The following SLC8A1 variants were observed in gnomAD, a reference collection of about 807,000 sequenced individuals.
SLC8A1 encodes the protein solute carrier family 8 member A1.
In SLC8A1, 18 loss-of-function variants were observed where a neutral mutation model predicts 68.3. The ratio of observed to expected loss-of-function variants is 0.26; its 90% confidence interval spans 0.18 to 0.39. The LOEUF is 0.39. SLC8A1 is among the 10% of genes least tolerant of loss of function. The pLI, the probability that SLC8A1 is intolerant of heterozygous loss-of-function variation, is 1.00. For missense variants in SLC8A1, 985 were observed against 1,156.7 expected (o/e 0.85, Z 2.15); for synonymous variants, 475 against 415.5 (o/e 1.14, Z -1.74).
At chr2:40,129,333 T>C (rs1402095062) in intron 7 of SLC8A1, among the ~76,000 whole-genome samples, 2 of 151,684 alleles carry the variant, frequency 1.3e-5, no homozygotes, top group Non-Finnish European at 2.9e-5. Context: ...TGGGCTCAAG[T>C]GATCCTCCCA....
At chr2:40,344,827 G>A (rs1257749464) in intron 2 of SLC8A1, among the ~76,000 whole-genome samples, 1 of 152,058 alleles carries the variant, frequency 6.6e-6, no homozygotes, top group East Asian at 1.9e-4. Flanking sequence ...AAGAATTCAT[G>A]GACCTGATAC....
At chr2:40,175,921 A>G (rs1036323693) in intron 3 of SLC8A1, 5 of 405,752 alleles carry the variant, frequency 1.2e-5, no homozygotes, top group Admixed American at 5.9e-5. Context: ...TAATAGTCCC[A>G]GGAATTAACA....
chr2:40,105,838 T>C (rs532036464), exon 8 of SLC8A1: 2 of 152,336 alleles, frequency 1.3e-5, no homozygotes, highest in Admixed American at 1.3e-4. Flanking sequence ...AGTCCTAGGA[T>C]TGGTCCCACC....
chr2:40,321,975 C>T (rs1047530792), intron 2 of SLC8A1, among the ~76,000 whole-genome samples: 1 of 152,142 alleles, frequency 6.6e-6, no homozygotes, highest in Non-Finnish European at 1.5e-5. Context: ...CATTAGTCAA[C>T]TTAGGGTATG....
Position 40,175,044 on chromosome 2 carries a change from T to G in SLC8A1, c.1913-202A>C, listed in dbSNP as rs558635811. ...ATTTAATGCACAAATTTAATTCTTG[T>G]GCATACCTAAGAAATCACCGATTTT... is the stretch of plus-strand genomic sequence containing the variant. On this transcript the variant is annotated intron_variant, in intron 3 of 7. Transcript: ENST00000406785. 3.3e-5 allele frequency among the ~76,000 whole-genome samples: 5 copies of G among 152,238 alleles called. No individual in the cohort carries two copies. In the East Asian group the frequency reaches 9.6e-4, roughly 29 times the overall value.
chr2:40,136,205 G>A (rs538195284), intron 7 of SLC8A1, among the ~76,000 whole-genome samples: 2 of 152,206 alleles, frequency 1.3e-5, no homozygotes, highest in African/African-American at 4.8e-5. Context: ...GGGAAGAGGA[G>A]GCCCTTTCTC....
At chr2:40,448,898 A>G (rs1701926213) in intron 1 of SLC8A1, among the ~76,000 whole-genome samples, 1 of 152,234 alleles carries the variant, frequency 6.6e-6, no homozygotes, top group Non-Finnish European at 1.5e-5. Context: ...CTAAATTCTT[A>G]GCAAATATAA....
intron 1 of SLC8A1, among the ~76,000 whole-genome samples, chr2:40,507,349 T>G (rs918019865): frequency 1.3e-5 from 2 of 151,968 alleles, no homozygotes; most frequent in African/African-American, 4.8e-5. Context: ...AAATAATAAT[T>G]TAACTCTGAC....
chr2:40,172,967 A>G (rs1250821792), intron 4 of SLC8A1, among the ~76,000 whole-genome samples: 2 of 152,164 alleles, frequency 1.3e-5, no homozygotes, highest in Admixed American at 6.5e-5. Flanking sequence ...ACATTCAGTA[A>G]TAAAACAGAA....
chr2:40,162,497 AG>A (rs1428180311), intron 5 of SLC8A1, among the ~76,000 whole-genome samples: 3 of 152,248 alleles, frequency 2.0e-5, no homozygotes, highest in African/African-American at 7.2e-5. Context: ...ACTTTCCTCA[AG>A]AAATAGCTGC....
At chr2:40,154,150 A>G (rs888980363) in intron 6 of SLC8A1, among the ~76,000 whole-genome samples, 2 of 152,176 alleles carry the variant, frequency 1.3e-5, no homozygotes, top group African/African-American at 4.8e-5. Context: ...CTCAGGATCC[A>G]TAGTTGTTAA....
intron 2 of SLC8A1, among the ~76,000 whole-genome samples, chr2:40,427,376 C>A (rs35129449): frequency 0.32 from 49,062 of 151,896 alleles, 8,766 homozygotes; most frequent in East Asian, 0.65. Flanking sequence ...TAACTATTTT[C>A]GAACTGTATT....
intron 2 of SLC8A1, among the ~76,000 whole-genome samples, chr2:40,420,958 G>C (rs949545806): frequency 2.0e-5 from 3 of 152,152 alleles, no homozygotes; most frequent in Non-Finnish European, 2.9e-5. Flanking sequence ...TCTGTAAAAT[G>C]AGTCTAATAA....
chr2:40,328,905 G>T (rs1295442211), intron 2 of SLC8A1, among the ~76,000 whole-genome samples: 1 of 152,030 alleles, frequency 6.6e-6, no homozygotes, highest in African/African-American at 2.4e-5. Flanking sequence ...CCTTTTAAGA[G>T]CACAGAGTAG....
intron 2 of SLC8A1, among the ~76,000 whole-genome samples, chr2:40,235,065 T>C (rs1367956532): frequency 6.6e-6 from 1 of 152,094 alleles, no homozygotes; most frequent in African/African-American, 2.4e-5. Context: ...ATTCTCTTTT[T>C]TGGTTGTGTC....
intron 2 of SLC8A1, among the ~76,000 whole-genome samples, chr2:40,200,492 A>C (rs1173113116): frequency 6.6e-6 from 1 of 150,622 alleles, no homozygotes; most frequent in African/African-American, 2.4e-5. Flanking sequence ...AAAAATTCCA[A>C]ATCAAGGGCC....
At chr2:40,322,987 T>G (rs1230338506) in intron 2 of SLC8A1, among the ~76,000 whole-genome samples, 1 of 152,116 alleles carries the variant, frequency 6.6e-6, no homozygotes, top group Non-Finnish European at 1.5e-5. Context: ...TCCATTTCAT[T>G]TTTGCTAAAA....
chr2:40,165,453 C>T (rs1435638505), intron 4 of SLC8A1, among the ~76,000 whole-genome samples: 1 of 152,150 alleles, frequency 6.6e-6, no homozygotes, highest in Non-Finnish European at 1.5e-5. Context: ...ACAGAAAATG[C>T]CTGAGGCCCA....
At chr2:40,228,328 C>T (rs1307376081) in intron 2 of SLC8A1, among the ~76,000 whole-genome samples, 1 of 152,188 alleles carries the variant, frequency 6.6e-6, no homozygotes, top group African/African-American at 2.4e-5. Flanking sequence ...TGTAAGAATT[C>T]TTATACTTAA....
Sources: gnomAD v4.1 joint callset for allele counts (sites outside exome capture counted in the v4.1 genomes callset) on GRCh38, gnomAD v4.1.1 for gene constraint, MANE v1.5 for transcripts, NCBI Gene and HGNC (gene_info 2026-07-23, HGNC 2026-07-21) for gene names.